Variants in TSPAN12 observed in about 807,000 individuals in gnomAD.
TSPAN12 encodes the protein tetraspanin-12.
Under a neutral mutation model 39.2 loss-of-function variants are expected in TSPAN12, and 19 were observed. The observed-to-expected ratio is 0.49, with a 90% CI of 0.34 to 0.71. The LOEUF (loss-of-function observed/expected upper bound fraction) is 0.71, where lower values mean the gene tolerates loss of function less well. Ranked by LOEUF, TSPAN12 falls within the 30% of genes least tolerant of loss-of-function variation. TSPAN12 has a pLI of 0.01. For missense variants in TSPAN12, 314 were observed against 359.9 expected, an observed-to-expected ratio of 0.87 and a Z score of 1.03; for synonymous variants, 119 against 124.8, an observed-to-expected ratio of 0.95 and a Z score of 0.31.
At chr7:120,803,638 GC>G (rs1387405100) in intron 7 of TSPAN12, among the ~76,000 whole-genome samples, 1 of 152,028 alleles carries the variant, frequency 6.6e-6, no homozygotes, top group Non-Finnish European at 1.5e-5. Flanking sequence ...GATATAATAA[GC>G]CCCCATCTTA....
intron 2 of TSPAN12, among the ~76,000 whole-genome samples, chr7:120,842,005 T>A (rs959242618): frequency 4.6e-5 from 7 of 152,238 alleles, no homozygotes; most frequent in African/African-American, 1.4e-4. Context: ...TGTGTATTTA[T>A]CTTCTTAAGT....
chr7:120,823,634 A>G (rs1794229437), intron 4 of TSPAN12, among the ~76,000 whole-genome samples: 1 of 152,148 alleles, frequency 6.6e-6, no homozygotes. Flanking sequence ...ATCTTCCATA[A>G]GGGGAAGCCA....
At chr7:120,817,147 G>A (rs1445665147) in intron 4 of TSPAN12, among the ~76,000 whole-genome samples, 4 of 152,088 alleles carry the variant, frequency 2.6e-5, no homozygotes, top group Non-Finnish European at 1.5e-5. Flanking sequence ...TGGGAGGTGG[G>A]AGGGTCACTT....
chr7:120,835,991 C>T (rs1487887586), intron 4 of TSPAN12, among the ~76,000 whole-genome samples: 1 of 152,112 alleles, frequency 6.6e-6, no homozygotes, highest in Non-Finnish European at 1.5e-5. Flanking sequence ...TGTAGAAGGG[C>T]TTGGTGTACA....
intron 5 of TSPAN12, among the ~76,000 whole-genome samples, chr7:120,811,802 T>C (rs1254733123): frequency 6.6e-6 from 1 of 152,064 alleles, no homozygotes; most frequent in Admixed American, 6.6e-5. Context: ...AACTCAGGAA[T>C]GGAAAACTAA....
chr7:120,843,103 T>C (rs375394674), intron 2 of TSPAN12, among the ~76,000 whole-genome samples: 10 of 152,274 alleles, frequency 6.6e-5, no homozygotes, highest in African/African-American at 2.2e-4. Context: ...CAATGGCCTA[T>C]AAGTTAGGTT....
At chr7:120,811,614 G>A (rs1793983049) in intron 5 of TSPAN12, among the ~76,000 whole-genome samples, 1 of 150,400 alleles carries the variant, frequency 6.6e-6, no homozygotes, top group African/African-American at 2.4e-5. Flanking sequence ...AGGTTGCAGT[G>A]AGCCGAGATC....
chr7:120,788,869 A>G lies in TSPAN12; in HGVS notation c.641T>C (p.Leu214Ser), dbSNP rs753248538. ...CACCTGCAGTTGTTTGGTTCCTCTC[A>G]AAAAGGAATACATTTTCTTCCCACA... ...EGCGKKMYSF[L>S]RGTKQLQVLR... The change falls in exon 8 of 8, where the codon TTG (leucine) becomes TCG (serine). Residue 214 changes from leucine (L) to serine (S), a missense_variant. By Grantham distance (145) the Leu-to-Ser change is moderately radical (BLOSUM62 -2). Transcript: ENST00000222747. 1 of 1,614,164 alleles carries G rather than the reference A, an allele frequency of 6.2e-7. No individual in the cohort carries two copies.
chr7:120,804,769 G>C (rs1193329399), intron 7 of TSPAN12, among the ~76,000 whole-genome samples: 1 of 152,094 alleles, frequency 6.6e-6, no homozygotes, highest in Non-Finnish European at 1.5e-5. Flanking sequence ...GGTCCGACTG[G>C]AGGACAGTGG....
rs1398510335 is a variant in TSPAN12 at position 120,810,575 on chromosome 7, T to C, written c.361-5A>G. On this transcript the variant is annotated splice_region_variant and splice_polypyrimidine_tract_variant and intron_variant, in intron 5 of 7. Transcript: ENST00000222747. Reference sequence around the variant, plus strand: ...ATCTGACCATTGTACTGGAACCTGGTGATAAAAAGCAAAATATCAACAGCT... The same window carrying C: ...ATCTGACCATTGTACTGGAACCTGGCGATAAAAAGCAAAATATCAACAGCT... The C allele has an allele frequency of 6.3e-7, 1 of 1,585,928 alleles. No individual in the cohort carries two copies. Among genetic ancestry groups the C allele is most frequent in the Admixed American group, 1.7e-5 (1 of 59,764 alleles).
chr7:120,849,989 T>TCATGTTGCCAG (rs1562954303), intron 2 of TSPAN12, among the ~76,000 whole-genome samples: 2 of 152,314 alleles, frequency 1.3e-5, no homozygotes, highest in South Asian at 2.1e-4. Flanking sequence ...TTGCCAGGCC[T>TCATGTTGCCAG]GCTCCCTTTT....
intron 1 of TSPAN12, 180 bp from the exon 2 acceptor site, chr7:120,857,013 AG>A: frequency 3.5e-6 from 2 of 577,312 alleles, no homozygotes; most frequent in East Asian, 5.9e-5. Flanking sequence ...AACTCCCAAA[AG>A]TTCCAAACCG....
rs1176511212 is a variant in TSPAN12 at position 120,799,520 on chromosome 7, TTAATTATATA to T, written c.612+7019_612+7028del. 3.0e-3 allele frequency among the ~76,000 whole-genome samples: 363 copies of T among 120,676 alleles called. 2 individuals carry two copies. Among genetic ancestry groups the T allele is most frequent in the South Asian group, 8.3e-3 (37 of 4,466 alleles). 79.2% of individuals were successfully genotyped at this position (120,676 alleles called of 152,430 possible). The stretch of plus-strand genomic sequence containing the variant: ...TTTTTAATTAATTAATTATATATAA[TTAATTATATA>T]TAATTATATATAATTATATATATAA... On this transcript the variant is annotated intron_variant, in intron 7 of 7. Transcript: ENST00000222747.
At chr7:120,843,130 C>T (rs1242167047) in intron 2 of TSPAN12, among the ~76,000 whole-genome samples, 1 of 152,138 alleles carries the variant, frequency 6.6e-6, no homozygotes, top group African/African-American at 2.4e-5. Context: ...CCTGGGACCA[C>T]ATTCAAGAGT....
intron 4 of TSPAN12, among the ~76,000 whole-genome samples, chr7:120,819,131 A>G (rs1171781708): frequency 1.3e-5 from 2 of 152,080 alleles, no homozygotes; most frequent in Non-Finnish European, 2.9e-5. Flanking sequence ...AATTTGTTTC[A>G]TATTTGATAT....
chr7:120,828,650 T>G (rs992360550), intron 4 of TSPAN12, among the ~76,000 whole-genome samples: 1 of 149,452 alleles, frequency 6.7e-6, no homozygotes, highest in East Asian at 2.0e-4. Flanking sequence ...GTTTTTTTCT[T>G]TCTCCTTTTT....
intron 3 of TSPAN12, among the ~76,000 whole-genome samples, chr7:120,839,481 A>G (rs1794538447): frequency 1.3e-5 from 2 of 152,204 alleles, no homozygotes; most frequent in Non-Finnish European, 2.9e-5. Flanking sequence ...AACCATTATT[A>G]AGCTAACTTT....
intron 6 of TSPAN12, among the ~76,000 whole-genome samples, chr7:120,809,614 T>C (rs1793939296): frequency 6.6e-6 from 1 of 152,104 alleles, no homozygotes; most frequent in South Asian, 2.1e-4. Flanking sequence ...GGCCTAGCAC[T>C]AAGATAAATT....
Position 120,788,698 on chromosome 7 carries a change from A to G in TSPAN12, c.812T>C (p.Leu271Pro), listed in dbSNP as rs149496066. Residue 271 changes from leucine to proline, a missense_variant, in exon 8 of 8, where the codon CTG becomes CCG. Leu to Pro is a moderately conservative substitution (Grantham distance 98). Transcript: ENST00000222747. Reference sequence around the variant, plus strand: ...CAACAGTTCTACTGAGGGACATGACAGGTGCTGAGAGTTGTCATTCTTCAA... The same window carrying G: ...CAACAGTTCTACTGAGGGACATGACGGGTGCTGAGAGTTGTCATTCTTCAA... ...MSLKNDNSQH[L>P]SCPSVELLKP... 7.4e-6 allele frequency: 12 copies of G among 1,614,042 alleles called. No homozygotes were observed. In the African/African-American group the frequency reaches 1.5e-4, roughly 20 times the overall value.
Sources: allele counts gnomAD v4.1 joint callset (sites outside exome capture counted in the v4.1 genomes callset), GRCh38; gene constraint gnomAD v4.1.1; transcripts MANE v1.5; gene names NCBI Gene and HGNC (gene_info 2026-07-23, HGNC 2026-07-21).